The following MACROD2 variants were observed in gnomAD, a reference collection of about 807,000 sequenced individuals.
MACROD2 encodes ADP-ribose glycohydrolase MACROD2.
Under a neutral mutation model 70.4 loss-of-function variants are expected in MACROD2, and 36 were observed. That is an observed-to-expected ratio of 0.51 (90% CI 0.39 to 0.68). The LOEUF (loss-of-function observed/expected upper bound fraction) is 0.68, where lower values mean the gene tolerates loss of function less well. Among genes scored for constraint, MACROD2 ranks in the 30% least tolerant of loss-of-function variants. The pLI is 0.00. For synonymous variants in MACROD2, 172 were observed against 178.8 expected, an observed-to-expected ratio of 0.96 and a Z score of 0.30; for missense variants, 496 against 538.4, an observed-to-expected ratio of 0.92 and a Z score of 0.78.
At chr20:15,797,405 G>A in intron 8 of MACROD2, among the ~76,000 whole-genome samples, 1 of 152,150 alleles carries the variant, frequency 6.6e-6, no homozygotes, top group East Asian at 1.9e-4. Flanking sequence ...GTGAGCCACC[G>A]CGCCCAGCCT....
At chr20:15,196,488 G>A (rs1227417439) in intron 5 of MACROD2, among the ~76,000 whole-genome samples, 1 of 152,138 alleles carries the variant, frequency 6.6e-6, no homozygotes, top group Non-Finnish European at 1.5e-5. Context: ...GAATGTCTTA[G>A]AGGACCATAA....
chr20:15,610,864 G>A (rs1042897363), intron 8 of MACROD2, among the ~76,000 whole-genome samples: 2 of 152,088 alleles, frequency 1.3e-5, no homozygotes, highest in Admixed American at 6.6e-5. Context: ...TGGCCTGGCT[G>A]TGGCCTCATG....
At chr20:15,214,451 G>T (rs551954713) in intron 5 of MACROD2, among the ~76,000 whole-genome samples, 213 of 152,270 alleles carry the variant, frequency 1.4e-3, no homozygotes, top group African/African-American at 4.7e-3. Flanking sequence ...ACTTTGGGAG[G>T]CCGAGATGGG....
intron 8 of MACROD2, among the ~76,000 whole-genome samples, chr20:15,694,914 C>G (rs1463483249): frequency 6.6e-6 from 1 of 152,090 alleles, no homozygotes; most frequent in Non-Finnish European, 1.5e-5. Context: ...AGATGAGGAT[C>G]CAGTTTCATT....
At chr20:16,049,408 T>C (rs754291979) in intron 17 of MACROD2, among the ~76,000 whole-genome samples, 1 of 152,162 alleles carries the variant, frequency 6.6e-6, no homozygotes, top group Non-Finnish European at 1.5e-5. Flanking sequence ...AAGTACAATC[T>C]GAAGTGGTGG....
At chr20:15,442,901 A>T (rs2046514698) in intron 7 of MACROD2, among the ~76,000 whole-genome samples, 1 of 152,138 alleles carries the variant, frequency 6.6e-6, no homozygotes, top group South Asian at 2.1e-4. Context: ...AGTGCTTACA[A>T]ATTTGAAAGT....
intron 7 of MACROD2, among the ~76,000 whole-genome samples, chr20:15,437,145 T>G (rs1400707769): frequency 1.3e-5 from 2 of 152,158 alleles, no homozygotes; most frequent in African/African-American, 4.8e-5. Flanking sequence ...TTCCTTTGCA[T>G]CTTTAAAAGG....
At chr20:14,215,343 C>CACACACAT (rs1018990541) in intron 3 of MACROD2, among the ~76,000 whole-genome samples, 3 of 133,998 alleles carry the variant, frequency 2.2e-5, no homozygotes, top group Admixed American at 7.3e-5. Flanking sequence ...TATATACACA[C>CACACACAT]ACACACACAC....
In MACROD2 at chr20:14,016,904, C is replaced by T. The variant is rs867984933; in HGVS notation, c.163+14500C>T. ...CCCACAAAAAATACTGTTGGGATGC[C>T]GATTATATTGAATCTGTAGATCATT... On this transcript the variant is annotated intron_variant, in intron 2 of 17. Coordinates refer to ENST00000684519, the MANE Select transcript of MACROD2 (RefSeq NM_001351661.2). Among the ~76,000 whole-genome samples, 47 of 151,872 alleles carry T rather than the reference C, an allele frequency of 3.1e-4. 1 individual carries two copies. Among genetic ancestry groups the T allele is most frequent in the African/African-American group, 1.1e-3 (46 of 41,426 alleles).
intron 6 of MACROD2, among the ~76,000 whole-genome samples, chr20:15,392,940 C>T (rs2045812202): frequency 6.6e-6 from 1 of 151,782 alleles, no homozygotes. Flanking sequence ...TGCCTTATCT[C>T]ACCCCAGTTC....
At chr20:14,784,713 A>T (rs887898936) in intron 5 of MACROD2, among the ~76,000 whole-genome samples, 1 of 151,250 alleles carries the variant, frequency 6.6e-6, no homozygotes, top group African/African-American at 2.4e-5. Flanking sequence ...TAGGGAAAAC[A>T]TACACTTGAA....
At chr20:14,976,312 C>G (rs958211388) in intron 5 of MACROD2, among the ~76,000 whole-genome samples, 3 of 152,130 alleles carry the variant, frequency 2.0e-5, no homozygotes, top group African/African-American at 7.2e-5. Context: ...TCTGAGGGAA[C>G]ATTTGTTTCT....
At chr20:14,817,484 G>A (rs2072787057) in intron 5 of MACROD2, among the ~76,000 whole-genome samples, 1 of 152,144 alleles carries the variant, frequency 6.6e-6, no homozygotes, top group Admixed American at 6.5e-5. Context: ...GGAAGTTAAT[G>A]AAAAGTTTAT....
intron 6 of MACROD2, among the ~76,000 whole-genome samples, chr20:15,234,009 ATTCTTTTTTTTTTTT>A (rs2076987750): frequency 1.5e-4 from 6 of 39,984 alleles, no homozygotes; most frequent in Admixed American, 4.1e-4. Flanking sequence ...ATATATATAT[ATTCTTTTTTTTTTTT>A]TTTTTTTTTT....
At chr20:14,192,488 TTAAG>T (rs1437904577) in intron 3 of MACROD2, among the ~76,000 whole-genome samples, 6 of 152,156 alleles carry the variant, frequency 3.9e-5, no homozygotes, top group African/African-American at 1.2e-4. Context: ...GTGGGATACT[TTAAG>T]TAAGATAGAT....
chr20:14,294,888 A>G (rs936288772), intron 3 of MACROD2, among the ~76,000 whole-genome samples: 2 of 151,634 alleles, frequency 1.3e-5, no homozygotes, highest in Non-Finnish European at 2.9e-5. Flanking sequence ...TGGCAATTTT[A>G]TTAATGTCTT....
chr20:14,465,573 A>G (rs1195617122), intron 3 of MACROD2, among the ~76,000 whole-genome samples: 2 of 152,080 alleles, frequency 1.3e-5, no homozygotes, highest in Non-Finnish European at 2.9e-5. Flanking sequence ...TGATCCTGTC[A>G]TTATGATGTT....
chr20:14,268,920 A>G (rs942107281), intron 3 of MACROD2, among the ~76,000 whole-genome samples: 29 of 152,208 alleles, frequency 1.9e-4, no homozygotes, highest in African/African-American at 6.8e-4. Flanking sequence ...ATAAATATCA[A>G]CATCATGGTT....
At chr20:15,811,949 T>G (rs935429540) in intron 8 of MACROD2, among the ~76,000 whole-genome samples, 2 of 152,084 alleles carry the variant, frequency 1.3e-5, no homozygotes, top group African/African-American at 4.8e-5. Flanking sequence ...CAAGCTGCAG[T>G]AAGAAGTGGG....
Sources: gnomAD v4.1 joint callset for allele counts (sites outside exome capture counted in the v4.1 genomes callset) on GRCh38, gnomAD v4.1.1 for gene constraint, MANE v1.5 for transcripts, NCBI Gene and HGNC (gene_info 2026-07-23, HGNC 2026-07-21) for gene names.